The following PCDHAC1 variants were observed in gnomAD, a reference collection of about 807,000 sequenced individuals.
The protein encoded by PCDHAC1 is protocadherin alpha-C1.
A neutral mutation model predicts 60.0 loss-of-function variants in PCDHAC1; 42 were observed. That is an observed-to-expected ratio of 0.70 (90% CI 0.55 to 0.90). PCDHAC1 has a LOEUF of 0.90. PCDHAC1 is among the 40% of genes least tolerant of loss of function. PCDHAC1 has a pLI of 0.00. For synonymous variants in PCDHAC1, 468 were observed against 499.3 expected, an observed-to-expected ratio of 0.94 and a Z score of 0.84; for missense variants, 1,160 against 1,222.3, an observed-to-expected ratio of 0.95 and a Z score of 0.76.
Position 140,926,761 on chromosome 5 carries a change from T to G in PCDHAC1, c.-132T>G. ...GCGCAACGTCGGCGGTCGCTGAGTA[T>G]CCAGCCCGCAGCAGTGACGGCCGGC... On this transcript the variant is annotated 5_prime_UTR_variant, in exon 1 of 4. Transcript: ENST00000253807. The G allele has an allele frequency of 7.6e-7, 1 of 1,323,628 alleles. No individual in the cohort carries two copies. Among genetic ancestry groups the G allele is most frequent in the East Asian group, 2.8e-5 (1 of 36,194 alleles). 82.0% of individuals were successfully genotyped at this position (1,323,628 alleles called of 1,614,324 possible).
intron 1 of PCDHAC1, chr5:140,968,830 C>G: frequency 6.2e-7 from 1 of 1,614,198 alleles, no homozygotes; most frequent in Non-Finnish European, 8.5e-7. Context: ...CCAAAATCCT[C>G]CCTGACACTC....
At chr5:140,982,417 GA>G (rs1554244117) in intron 2 of PCDHAC1, 57 bp from the exon 3 acceptor site, 1 of 1,610,428 alleles carries the variant, frequency 6.2e-7, no homozygotes, top group African/African-American at 1.3e-5. Flanking sequence ...GAGGGTGGAA[GA>G]AGAGATGGGA....
intron 1 of PCDHAC1, among the ~76,000 whole-genome samples, chr5:140,932,231 A>G (rs2088135026): frequency 6.6e-6 from 1 of 151,848 alleles, no homozygotes; most frequent in African/African-American, 2.4e-5. Context: ...AATTTTTTAG[A>G]ATGGTATCTA....
At chr5:140,971,370 G>C (rs2096473492) in intron 1 of PCDHAC1, among the ~76,000 whole-genome samples, 3 of 152,194 alleles carry the variant, frequency 2.0e-5, no homozygotes, top group African/African-American at 7.2e-5. Flanking sequence ...CCAGGAGAGT[G>C]CATGACTTTA....
intron 1 of PCDHAC1, among the ~76,000 whole-genome samples, chr5:140,976,934 C>T (rs995021593): frequency 1.3e-5 from 2 of 152,170 alleles, no homozygotes; most frequent in African/African-American, 2.4e-5. Context: ...TGTGTAGCTA[C>T]TTAAAACATA....
chr5:140,977,067 A>G (rs2096744217), intron 1 of PCDHAC1, among the ~76,000 whole-genome samples: 1 of 152,250 alleles, frequency 6.6e-6, no homozygotes, highest in South Asian at 2.1e-4. Context: ...TATAGAAAAT[A>G]GCAGCATGAC....
intron 1 of PCDHAC1, among the ~76,000 whole-genome samples, chr5:140,948,369 TG>T (rs1209104577): frequency 7.9e-5 from 12 of 151,580 alleles, no homozygotes; most frequent in Non-Finnish European, 3.0e-5. Context: ...ACTTAGGAGG[TG>T]TTCCTTCCTC....
At chr5:140,998,389 C>T (rs1386157244) in intron 3 of PCDHAC1, among the ~76,000 whole-genome samples, 3 of 152,128 alleles carry the variant, frequency 2.0e-5, no homozygotes, top group Non-Finnish European at 4.4e-5. Flanking sequence ...AAGTTTAATG[C>T]CATCTTTATG....
At chr5:140,951,071 C>T (rs246044) in intron 1 of PCDHAC1, among the ~76,000 whole-genome samples, 86,232 of 151,532 alleles carry the variant, frequency 0.57, 25,208 homozygotes, top group African/African-American at 0.71. Flanking sequence ...CATTGGCTTT[C>T]TTATATTTTC....
At position 140,953,768 on chromosome 5, in the gene PCDHAC1, A is replaced by G. The variant is rs146090592; in HGVS notation, c.2433+24443A>G. Among the ~76,000 whole-genome samples, 15 of 152,248 alleles carry G rather than the reference A, an allele frequency of 9.9e-5. No homozygotes were observed. In the East Asian group the frequency reaches 2.7e-3, roughly 27 times the overall value. The stretch of plus-strand genomic sequence containing the variant: ...TACATTTATCCAAGAATTAAATTTA[A>G]TATTTATTTATTTTTTTCTTCAACT... On this transcript the variant is annotated intron_variant, in intron 1 of 3. Coordinates refer to ENST00000253807, the MANE Select transcript of PCDHAC1 (RefSeq NM_018898.5).
At chr5:140,963,517 T>C (rs2095769422) in intron 1 of PCDHAC1, among the ~76,000 whole-genome samples, 1 of 152,238 alleles carries the variant, frequency 6.6e-6, no homozygotes, top group East Asian at 1.9e-4. Flanking sequence ...GGGGTTCTCA[T>C]AACAGAAGTC....
intron 1 of PCDHAC1, among the ~76,000 whole-genome samples, chr5:140,963,448 A>G (rs567394961): frequency 1.3e-5 from 2 of 152,370 alleles, no homozygotes; most frequent in Non-Finnish European, 2.9e-5. Flanking sequence ...CTCTGTTGCT[A>G]AAGTATTTCT....
Position 141,010,878 on chromosome 5 carries a change from A to C in PCDHAC1, c.*941A>C, listed in dbSNP as rs2098418656. 1.3e-5 allele frequency: 2 copies of C among 153,770 alleles called. No homozygotes were observed. Among genetic ancestry groups the C allele is most frequent in the South Asian group, 4.1e-4 (2 of 4,830 alleles). The allele number at this position is 153,770 out of a possible 1,614,324, so 9.5% of individuals were successfully genotyped here. ...GAAAGTCTATAGCTATAAATCTTTA[A>C]AGAGAAATATGAATACAATTCCCCT... On this transcript the variant is annotated 3_prime_UTR_variant, in exon 4 of 4. Transcript: ENST00000253807.
chr5:140,971,091 T>G (rs1355075556), intron 1 of PCDHAC1, among the ~76,000 whole-genome samples: 1 of 152,180 alleles, frequency 6.6e-6, no homozygotes, highest in Non-Finnish European at 1.5e-5. Flanking sequence ...AACAAATTCT[T>G]GTGAAGCCCT....
Position 140,969,016 on chromosome 5 carries a change from A to C in PCDHAC1, c.2434-9933A>C. Reference sequence around the variant, plus strand: ...GTGGAGGCTTCTGTGGAGTAAGGGAAAGGTCCCCTGCAGAACTGTACAAAC... The same window carrying C: ...GTGGAGGCTTCTGTGGAGTAAGGGACAGGTCCCCTGCAGAACTGTACAAAC... On this transcript the variant is annotated intron_variant, in intron 1 of 3. Coordinates refer to ENST00000253807, the MANE Select transcript of PCDHAC1 (RefSeq NM_018898.5). 6.2e-7 allele frequency: 1 copy of C among 1,614,172 alleles called. No homozygotes were observed. Among genetic ancestry groups the C allele is most frequent in the South Asian group, 1.1e-5 (1 of 91,072 alleles).
At position 141,011,322 on chromosome 5, in the gene PCDHAC1, C is replaced by T. The variant is rs1210973958; in HGVS notation, c.*1385C>T. The T allele has an allele frequency of 2.0e-5, 3 of 153,698 alleles. No individual in the cohort carries two copies. The highest frequency in any genetic ancestry group is 7.2e-5 in the African/African-American group (3 of 41,430). The allele number at this position is 153,698 out of a possible 1,614,324, so 9.5% of individuals were successfully genotyped here. On this transcript the variant is annotated 3_prime_UTR_variant, in exon 4 of 4. Coordinates refer to ENST00000253807, the MANE Select transcript of PCDHAC1 (RefSeq NM_018898.5). Reference sequence around the variant, plus strand: ...CTCTGAATTGCTAATCTTACTAACACCTATGATGTTACCTGAAATCAATCT... The same window carrying T: ...CTCTGAATTGCTAATCTTACTAACATCTATGATGTTACCTGAAATCAATCT...
intron 1 of PCDHAC1, chr5:140,966,634 G>A: frequency 9.8e-7 from 1 of 1,022,982 alleles, no homozygotes; most frequent in Non-Finnish European, 1.3e-6. Flanking sequence ...GGCCCCAGGC[G>A]CTTTCTAGAG....
chr5:140,954,181 T>C (rs1342526768), intron 1 of PCDHAC1, among the ~76,000 whole-genome samples: 1 of 152,234 alleles, frequency 6.6e-6, no homozygotes, highest in Non-Finnish European at 1.5e-5. Flanking sequence ...ATCCAGTCTA[T>C]CATTGATGGG....
chr5:140,966,561 G>C (rs2153747879), intron 1 of PCDHAC1: 1 of 488,962 alleles, frequency 2.0e-6, no homozygotes, highest in Non-Finnish European at 3.4e-6. Context: ...GGAGGAGCTG[G>C]AATATGGGGA....
Sources: gnomAD v4.1 joint callset for allele counts (sites outside exome capture counted in the v4.1 genomes callset) on GRCh38, gnomAD v4.1.1 for gene constraint, MANE v1.5 for transcripts, NCBI Gene and HGNC (gene_info 2026-07-23, HGNC 2026-07-21) for gene names.